Variants in BMP5 observed in about 807,000 individuals in gnomAD.
BMP5 encodes bone morphogenetic protein 5.
In BMP5, 23 loss-of-function variants were observed where a neutral mutation model predicts 46.6. The observed-to-expected ratio is 0.49, with a 90% CI of 0.35 to 0.70. The LOEUF (loss-of-function observed/expected upper bound fraction) is 0.70. BMP5 is among the 30% of genes least tolerant of loss of function. BMP5 has a pLI of 0.00. For synonymous variants in BMP5, 204 were observed against 191.9 expected (o/e 1.06, Z -0.52); for missense variants, 545 against 565.6 (o/e 0.96, Z 0.37).
intron 4 of BMP5, among the ~76,000 whole-genome samples, chr6:55,765,594 A>G (rs1210699428): frequency 2.0e-5 from 3 of 152,174 alleles, no homozygotes; most frequent in African/African-American, 7.2e-5. Context: ...AATTCAGGAT[A>G]AGCCCAAAAA....
At chr6:55,758,078 A>C (rs145726954) in intron 6 of BMP5, among the ~76,000 whole-genome samples, 2 of 152,056 alleles carry the variant, frequency 1.3e-5, no homozygotes, top group Admixed American at 6.6e-5. Flanking sequence ...AACCTCACCC[A>C]CAAAGACAAG....
At position 55,872,907 on chromosome 6, in the gene BMP5, C is replaced by G. The variant is rs548828766; in HGVS notation, c.490+1469G>C. Among the ~76,000 whole-genome samples, 22 of 151,870 alleles carry G rather than the reference C, an allele frequency of 1.4e-4. 1 individual carries two copies. The highest frequency in any genetic ancestry group is 8.3e-4 in the South Asian group (4 of 4,808). ...AAGCTACACTTGCATATCCCTTATA[C>G]TAGGTAAAAGCAATCACATTAATTT... On this transcript the variant is annotated intron_variant, in intron 1 of 6. Transcript: ENST00000370830.
intron 3 of BMP5, among the ~76,000 whole-genome samples, chr6:55,776,922 T>C (rs1254565929): frequency 6.6e-6 from 1 of 151,976 alleles, no homozygotes; most frequent in African/African-American, 2.4e-5. Flanking sequence ...AAAAGATGTG[T>C]GTATGTTACA....
At chr6:55,869,937 G>C (rs780193367) in intron 1 of BMP5, among the ~76,000 whole-genome samples, 1 of 152,040 alleles carries the variant, frequency 6.6e-6, no homozygotes, top group Admixed American at 6.6e-5. Context: ...AAACCAGGAC[G>C]AAAGGCAGAC....
At chr6:55,806,990 A>G (rs1254545766) in intron 2 of BMP5, among the ~76,000 whole-genome samples, 1 of 152,150 alleles carries the variant, frequency 6.6e-6, no homozygotes, top group African/African-American at 2.4e-5. Context: ...GGGGTTTTCT[A>G]AATGTAGAAT....
intron 1 of BMP5, among the ~76,000 whole-genome samples, chr6:55,843,583 A>G (rs1777019491): frequency 6.6e-6 from 1 of 151,982 alleles, no homozygotes; most frequent in South Asian, 2.1e-4. Context: ...CTATAAGCAC[A>G]CTCATTTAGG....
chr6:55,774,157 C>T lies in BMP5; in HGVS notation c.919G>A (p.Ala307Thr). 6.2e-7 allele frequency: 1 copy of T among 1,613,132 alleles called. No individual in the cohort carries two copies. Among genetic ancestry groups the T allele is most frequent in the Non-Finnish European group, 8.5e-7 (1 of 1,179,450 alleles). ...KQPFMVAFFK[A>T]SEVLLRSVRA... ...ACGGATCGAAGAAGTACCTCACTCGCCTTGAAGAAGGCCACCATGAATGGT... is the reference window on the plus strand; with the variant it reads ...ACGGATCGAAGAAGTACCTCACTCGTCTTGAAGAAGGCCACCATGAATGGT... The change falls in exon 4 of 7, where the codon GCG (alanine) becomes ACG (threonine). Residue 307 changes from alanine (A) to threonine (T), a missense_variant. By Grantham distance (58) the Ala-to-Thr change is moderately conservative. Coordinates refer to ENST00000370830, the MANE Select transcript of BMP5 (RefSeq NM_021073.4).
chr6:55,824,131 A>T (rs1013399342), intron 1 of BMP5, among the ~76,000 whole-genome samples: 3 of 151,992 alleles, frequency 2.0e-5, no homozygotes, highest in African/African-American at 7.2e-5. Flanking sequence ...CTTAAATGTC[A>T]GCTTTTTAAG....
chr6:55,807,932 G>C (rs1324417353), intron 2 of BMP5, among the ~76,000 whole-genome samples: 1 of 152,210 alleles, frequency 6.6e-6, no homozygotes, highest in African/African-American at 2.4e-5. Flanking sequence ...GATGATCCCT[G>C]TTGGAGGGTC....
chr6:55,771,498 A>G (rs1358663723), intron 4 of BMP5, among the ~76,000 whole-genome samples: 1 of 151,882 alleles, frequency 6.6e-6, no homozygotes, highest in African/African-American at 2.4e-5. Context: ...TGAAAAACGA[A>G]GTTAGTTTTT....
At chr6:55,847,054 A>G (rs1582115222) in intron 1 of BMP5, among the ~76,000 whole-genome samples, 1 of 151,872 alleles carries the variant, frequency 6.6e-6, no homozygotes, top group Non-Finnish European at 1.5e-5. Context: ...AGTCCCAAAC[A>G]TTGTATACCC....
chr6:55,822,100 T>C (rs1776423120), intron 1 of BMP5, among the ~76,000 whole-genome samples: 1 of 152,148 alleles, frequency 6.6e-6, no homozygotes, highest in African/African-American at 2.4e-5. Flanking sequence ...ATGAAGCAAC[T>C]GTGGAAGCAT....
intron 2 of BMP5, among the ~76,000 whole-genome samples, chr6:55,812,628 G>A (rs927018971): frequency 6.6e-6 from 1 of 152,174 alleles, no homozygotes; most frequent in Non-Finnish European, 1.5e-5. Context: ...AGTACAGTCT[G>A]CCCTGACTTT....
At chr6:55,756,187 T>C (rs1774591670) in intron 6 of BMP5, among the ~76,000 whole-genome samples, 1 of 151,974 alleles carries the variant, frequency 6.6e-6, no homozygotes, top group African/African-American at 2.4e-5. Context: ...ATAAAAATCA[T>C]AATAAAATAA....
At chr6:55,768,724 C>T (rs548210674) in intron 4 of BMP5, among the ~76,000 whole-genome samples, 2 of 152,008 alleles carry the variant, frequency 1.3e-5, no homozygotes, top group South Asian at 4.1e-4. Context: ...TCTTTCTTAG[C>T]AGTTCTGTAA....
chr6:55,840,641 T>C (rs1037303914), intron 1 of BMP5, among the ~76,000 whole-genome samples: 11 of 152,330 alleles, frequency 7.2e-5, no homozygotes, highest in Non-Finnish European at 1.0e-4. Flanking sequence ...ACTTTAGTCA[T>C]GTTTTCCTAC....
At position 55,754,384 on chromosome 6, in the gene BMP5, G is replaced by A. The variant is rs1774527733; in HGVS notation, c.*1149C>T. ...TGTTTGGAATTATTTGTGCTTGGAA[G>A]AAGGTTTACAAAATGCCTTTACAAA... On this transcript the variant is annotated 3_prime_UTR_variant, in exon 7 of 7. Transcript: ENST00000370830. 1 of 151,854 alleles carries A rather than the reference G, an allele frequency of 6.6e-6. No homozygotes were observed. The highest frequency in any genetic ancestry group is 2.1e-4 in the South Asian group (1 of 4,834). 9.4% of individuals were successfully genotyped at this position (151,854 alleles called of 1,614,324 possible).
intron 1 of BMP5, among the ~76,000 whole-genome samples, chr6:55,822,860 A>C (rs1432630611): frequency 1.3e-5 from 2 of 152,080 alleles, no homozygotes; most frequent in East Asian, 3.8e-4. Flanking sequence ...ATAAAATTTT[A>C]TATTAAATAT....
At chr6:55,780,894 A>G (rs952753821) in intron 3 of BMP5, among the ~76,000 whole-genome samples, 5 of 152,020 alleles carry the variant, frequency 3.3e-5, no homozygotes, top group Non-Finnish European at 5.9e-5. Context: ...TATTGCATGG[A>G]GGGCAGGACT....
Sources: allele counts gnomAD v4.1 joint callset (sites outside exome capture counted in the v4.1 genomes callset), GRCh38; gene constraint gnomAD v4.1.1; transcripts MANE v1.5; gene names NCBI Gene and HGNC (gene_info 2026-07-23, HGNC 2026-07-21).